Variants in SELENOF observed in about 807,000 individuals in gnomAD.
SELENOF encodes the protein 15 kDa selenoprotein.
SELENOF carries 16 observed loss-of-function variants against 20.5 expected under a neutral mutation model. The observed-to-expected ratio is 0.78, with a 90% CI of 0.53 to 1.19. The LOEUF (loss-of-function observed/expected upper bound fraction) is 1.19. Among genes scored for constraint, SELENOF ranks in the 50% most tolerant of loss-of-function variants. The pLI is 0.00. For missense variants in SELENOF, 215 were observed against 194.2 expected, an observed-to-expected ratio of 1.11 and a Z score of -0.64; for synonymous variants, 78 against 74.5, an observed-to-expected ratio of 1.05 and a Z score of -0.24.
At chr1:86,866,230 C>CTGTGTGTGTGTGTGTGTGTGTGTGTGTG (rs60714256) in intron 4 of SELENOF, among the ~76,000 whole-genome samples, 1 of 113,680 alleles carries the variant, frequency 8.8e-6, no homozygotes, top group Non-Finnish European at 1.7e-5. Flanking sequence ...GTGTGTGTCT[C>CTGTGTGTGTGTGTGTGTGTGTGTGTGTG]TGTGTGTGTG....
At chr1:86,895,848 T>C (rs1659508077) in intron 2 of SELENOF, among the ~76,000 whole-genome samples, 1 of 152,086 alleles carries the variant, frequency 6.6e-6, no homozygotes, top group Admixed American at 6.6e-5. Context: ...ACCAATTATA[T>C]CAAAATATTT....
intron 1 of SELENOF, among the ~76,000 whole-genome samples, chr1:86,906,165 T>A (rs1448771046): frequency 3.9e-5 from 6 of 152,244 alleles, no homozygotes; most frequent in African/African-American, 1.4e-4. Flanking sequence ...CCCAGCCTAG[T>A]GGGAGGGAAC....
intron 4 of SELENOF, among the ~76,000 whole-genome samples, 157 bp from the exon 5 acceptor site, chr1:86,863,762 A>G (rs1346098794): frequency 6.6e-6 from 1 of 152,184 alleles, no homozygotes; most frequent in Non-Finnish European, 1.5e-5. Flanking sequence ...CTTTAAGGAG[A>G]AGAGTTTTAC....
intron 3 of SELENOF, among the ~76,000 whole-genome samples, chr1:86,870,928 A>AT (rs397861089): frequency 0.062 from 9,149 of 148,136 alleles, 878 homozygotes; most frequent in African/African-American, 0.2. Flanking sequence ...CAGTAAAAAG[A>AT]TTTTTTTTTT....
chr1:86,863,822 C>CATT (rs1456211055), intron 4 of SELENOF, among the ~76,000 whole-genome samples: 1 of 152,138 alleles, frequency 6.6e-6, no homozygotes. Context: ...TTCATTCATT[C>CATT]ATTCATTCAT....
intron 3 of SELENOF, among the ~76,000 whole-genome samples, chr1:86,877,248 ATAAGG>A (rs1459698069): frequency 6.6e-6 from 1 of 152,196 alleles, no homozygotes; most frequent in African/African-American, 2.4e-5. Flanking sequence ...GAACAGCCCT[ATAAGG>A]TAGATATTTA....
chr1:86,914,007 GCGAAGGTGATCTACACTCAC>G lies in SELENOF; in HGVS notation c.84+1_84+20del. 1 of 1,595,244 alleles carries G rather than the reference GCGAAGGTGATCTACACTCAC, an allele frequency of 6.3e-7. No homozygotes were observed. The highest frequency in any genetic ancestry group is 1.1e-5 in the South Asian group (1 of 90,530). ...CACTCCTACTCTCCCTGTGGCAGCT[GCGAAGGTGATCTACACTCAC>G]CGCTTGAAGCACAGTCGCCAACAAC... On this transcript the variant is annotated splice_donor_variant and splice_donor_5th_base_variant and intron_variant, in intron 1 of 4. Coordinates refer to ENST00000331835, the MANE Select transcript of SELENOF (RefSeq NM_004261.5). LOFTEE classifies it high-confidence loss of function.
intron 2 of SELENOF, among the ~76,000 whole-genome samples, chr1:86,886,151 C>A (rs1659209733): frequency 6.6e-6 from 1 of 152,116 alleles, no homozygotes; most frequent in African/African-American, 2.4e-5. Flanking sequence ...ACACTAGAAT[C>A]ACCTGGAAAT....
intron 2 of SELENOF, chr1:86,887,014 T>G: frequency 2.2e-6 from 2 of 892,496 alleles, no homozygotes; most frequent in Non-Finnish European, 3.1e-6. Flanking sequence ...ACAGAAACTA[T>G]TTTTAGCAAA....
chr1:86,867,957 G>C, intron 4 of SELENOF, 96 bp downstream of exon 4: 1 of 515,282 alleles, frequency 1.9e-6, no homozygotes, highest in Non-Finnish European at 3.3e-6. Context: ...ATTTGCACAT[G>C]TTTATGGGGG....
intron 2 of SELENOF, among the ~76,000 whole-genome samples, chr1:86,895,967 C>A (rs1049535612): frequency 6.6e-6 from 1 of 152,204 alleles, no homozygotes; most frequent in Non-Finnish European, 1.5e-5. Flanking sequence ...GTGGCTCACG[C>A]CTGTAATCCC....
chr1:86,887,943 C>T (rs72947806), intron 2 of SELENOF, among the ~76,000 whole-genome samples: 2,291 of 152,160 alleles, frequency 0.015, 63 homozygotes, highest in African/African-American at 0.052. Context: ...TTTCTGAGAT[C>T]CAATATCCAA....
At chr1:86,874,864 A>G (rs1462876403) in intron 3 of SELENOF, among the ~76,000 whole-genome samples, 1 of 152,250 alleles carries the variant, frequency 6.6e-6, no homozygotes, top group Admixed American at 6.5e-5. Flanking sequence ...ATCAATATAG[A>G]GAATGGCAAC....
At chr1:86,864,296 A>G (rs1658537660) in intron 4 of SELENOF, among the ~76,000 whole-genome samples, 1 of 152,234 alleles carries the variant, frequency 6.6e-6, no homozygotes, top group Middle Eastern at 3.2e-3. Flanking sequence ...GTTGGGTCCA[A>G]TATTTCTCCA....
Position 86,863,489 on chromosome 1 carries a change from C to A in SELENOF, c.483G>T (p.Lys161Asn), listed in dbSNP as rs1403165538. ...TAAGCAAGATTTATATGCGTTCCAA[C>A]TTTTCACTCAGGAATTCTTCTACAC... ...TDSVEEFLSEKLERI is the reference protein window; with the variant it reads ...TDSVEEFLSENLERI Residue 161 changes from lysine (K) to asparagine (N), a missense_variant, in exon 5 of 5, where the codon AAG becomes AAT. Coordinates refer to ENST00000331835, the MANE Select transcript of SELENOF (RefSeq NM_004261.5). The A allele has an allele frequency of 6.2e-7, 1 of 1,612,148 alleles. No individual in the cohort carries two copies. Among genetic ancestry groups the A allele is most frequent in the Non-Finnish European group, 8.5e-7 (1 of 1,179,240 alleles).
At chr1:86,890,284 T>C (rs1445276348) in intron 2 of SELENOF, among the ~76,000 whole-genome samples, 2 of 152,182 alleles carry the variant, frequency 1.3e-5, no homozygotes, top group African/African-American at 4.8e-5. Context: ...CATAAGCAAG[T>C]GGTGATATTT....
intron 3 of SELENOF, among the ~76,000 whole-genome samples, chr1:86,875,961 G>A (rs1484349176): frequency 3.9e-5 from 6 of 152,062 alleles, no homozygotes; most frequent in Admixed American, 3.9e-4. Context: ...GAGAAACCAT[G>A]TCATGGCGGG....
chr1:86,905,880 A>G (rs563613), intron 1 of SELENOF, among the ~76,000 whole-genome samples: 4 of 151,738 alleles, frequency 2.6e-5, no homozygotes, highest in Non-Finnish European at 4.4e-5. Flanking sequence ...GAATGAATGA[A>G]TGTGTCTGTG....
At chr1:86,884,346 T>TATAC (rs1477925526) in intron 2 of SELENOF, among the ~76,000 whole-genome samples, 82 of 145,552 alleles carry the variant, frequency 5.6e-4, no homozygotes, top group African/African-American at 2.0e-3. Context: ...CGCACATACA[T>TATAC]ACACACACAC....
Sources: allele counts gnomAD v4.1 joint callset (sites outside exome capture counted in the v4.1 genomes callset), GRCh38; gene constraint gnomAD v4.1.1; transcripts MANE v1.5; gene names NCBI Gene and HGNC (gene_info 2026-07-23, HGNC 2026-07-21).